CAMK1D: variants seen among roughly 807,000 people sequenced by gnomAD.
CAMK1D encodes the protein calcium/calmodulin-dependent protein kinase type 1D.
In CAMK1D, 9 loss-of-function variants were observed where a neutral mutation model predicts 47.7. That is an observed-to-expected ratio of 0.19 (90% confidence interval 0.11 to 0.33). The LOEUF (loss-of-function observed/expected upper bound fraction) is 0.33, where lower values mean the gene tolerates loss of function less well. CAMK1D is among the 10% of genes least tolerant of loss of function. The probability of loss-of-function intolerance (pLI) is 1.00; values close to 1 mark genes in which losing one functional copy is unlikely to be tolerated. For synonymous variants in CAMK1D, 184 were observed against 184.9 expected, an observed-to-expected ratio of 0.99 and a Z score of 0.04; for missense variants, 291 against 488.7, an observed-to-expected ratio of 0.60 and a Z score of 3.81.
chr10:12,704,740 G>A (rs866601243), intron 3 of CAMK1D, among the ~76,000 whole-genome samples: 1 of 152,048 alleles, frequency 6.6e-6, no homozygotes, highest in East Asian at 1.9e-4. Flanking sequence ...CAAACATTGT[G>A]GTTTCTGTCA....
chr10:12,774,931 A>G (rs527683327), intron 5 of CAMK1D, among the ~76,000 whole-genome samples: 1 of 152,404 alleles, frequency 6.6e-6, no homozygotes, highest in African/African-American at 2.4e-5. Context: ...CTTTGTGCCA[A>G]AATTGGGGAT....
intron 1 of CAMK1D, among the ~76,000 whole-genome samples, chr10:12,395,869 G>A (rs1329371880): frequency 1.3e-5 from 2 of 151,860 alleles, no homozygotes; most frequent in African/African-American, 4.8e-5. Flanking sequence ...GGAGGTTGCT[G>A]TGGGCCGTGA....
intron 5 of CAMK1D, among the ~76,000 whole-genome samples, chr10:12,779,361 C>A (rs181779978): frequency 1.3e-3 from 193 of 152,320 alleles, no homozygotes; most frequent in African/African-American, 4.3e-3. Context: ...CAGAAAACAT[C>A]CGTATCAATC....
intron 5 of CAMK1D, among the ~76,000 whole-genome samples, chr10:12,786,374 G>C (rs1164507866): frequency 6.6e-6 from 1 of 152,086 alleles, no homozygotes; most frequent in African/African-American, 2.4e-5. Flanking sequence ...ACACAGATAA[G>C]ACACAACACC....
intron 5 of CAMK1D, 101 bp from the exon 6 acceptor site, chr10:12,791,057 A>G: frequency 2.0e-6 from 2 of 977,446 alleles, no homozygotes; most frequent in South Asian, 2.8e-5. Context: ...CTCAGTTTTT[A>G]TACTCACTGA....
chr10:12,375,417 G>C (rs958805488), intron 1 of CAMK1D, among the ~76,000 whole-genome samples: 1 of 152,214 alleles, frequency 6.6e-6, no homozygotes, highest in Admixed American at 6.5e-5. Context: ...TCACTGCGTA[G>C]ATTAGCTGCA....
rs186717050 is a variant in CAMK1D, at chr10:12,692,605, T to C, written c.299+25795T>C. Reference sequence around the variant, plus strand: ...GTTGGTAACCTTGACTTCATACAAATAAAAGAAAAAACTTCTTCATAGCCA... The same window carrying C: ...GTTGGTAACCTTGACTTCATACAAACAAAAGAAAAAACTTCTTCATAGCCA... On this transcript the variant is annotated intron_variant, in intron 3 of 10. Coordinates refer to ENST00000619168, the MANE Select transcript of CAMK1D (RefSeq NM_153498.4). 1.2e-3 allele frequency among the ~76,000 whole-genome samples: 190 copies of C among 152,124 alleles called. 3 individuals are homozygous for C. The highest frequency in any genetic ancestry group is 3.4e-4 in the Non-Finnish European group (23 of 67,954).
chr10:12,698,754 C>T (rs1272929700), intron 3 of CAMK1D, among the ~76,000 whole-genome samples: 1 of 141,616 alleles, frequency 7.1e-6, no homozygotes, highest in African/African-American at 2.6e-5. Context: ...CTCACTGTAT[C>T]CTCCGCCTCC....
intron 1 of CAMK1D, among the ~76,000 whole-genome samples, chr10:12,500,404 C>T (rs1454503527): frequency 1.3e-5 from 2 of 152,152 alleles, no homozygotes; most frequent in Admixed American, 1.3e-4. Context: ...TCACTGAGCC[C>T]AGAGGTCAGT....
chr10:12,459,997 T>G (rs1447904159), intron 1 of CAMK1D, among the ~76,000 whole-genome samples: 7 of 152,198 alleles, frequency 4.6e-5, no homozygotes, highest in Admixed American at 4.6e-4. Context: ...CAGTGCAGAC[T>G]ATAGCTCCAT....
At chr10:12,436,931 C>T (rs189283786) in intron 1 of CAMK1D, among the ~76,000 whole-genome samples, 12 of 152,230 alleles carry the variant, frequency 7.9e-5, no homozygotes, top group Admixed American at 3.3e-4. Flanking sequence ...GAAAGGACTT[C>T]GAGCAAAATC....
intron 3 of CAMK1D, among the ~76,000 whole-genome samples, chr10:12,736,947 T>C (rs1835217060): frequency 6.6e-6 from 1 of 152,196 alleles, no homozygotes. Flanking sequence ...TTGGAGGAGC[T>C]GGACACAGCC....
intron 1 of CAMK1D, among the ~76,000 whole-genome samples, chr10:12,457,940 A>G (rs184732675): frequency 1.3e-5 from 2 of 152,286 alleles, no homozygotes; most frequent in Non-Finnish European, 2.9e-5. Flanking sequence ...AGGTGTCGGA[A>G]TGCCTCCTTT....
intron 2 of CAMK1D, among the ~76,000 whole-genome samples, chr10:12,635,062 A>G (rs969605137): frequency 2.1e-4 from 32 of 152,136 alleles, no homozygotes; most frequent in Non-Finnish European, 3.7e-4. Flanking sequence ...TGGAGAGTGG[A>G]GGGGCAGGGA....
At chr10:12,699,385 A>G (rs1833421722) in intron 3 of CAMK1D, among the ~76,000 whole-genome samples, 1 of 152,118 alleles carries the variant, frequency 6.6e-6, no homozygotes, top group Middle Eastern at 3.4e-3. Flanking sequence ...TTGTACTGGG[A>G]AAGCCGTGTT....
chr10:12,803,547 C>T (rs1022268221), intron 6 of CAMK1D, among the ~76,000 whole-genome samples: 12 of 151,972 alleles, frequency 7.9e-5, no homozygotes, highest in Non-Finnish European at 1.6e-4. Flanking sequence ...CCCAGCTACT[C>T]GGGAGGCTGA....
At chr10:12,468,553 G>A (rs1362185513) in intron 1 of CAMK1D, among the ~76,000 whole-genome samples, 1 of 152,186 alleles carries the variant, frequency 6.6e-6, no homozygotes, top group East Asian at 1.9e-4. Flanking sequence ...GGGGAGGAAA[G>A]GTTGTCCTGG....
chr10:12,770,406 C>T (rs1174382038), intron 5 of CAMK1D, among the ~76,000 whole-genome samples: 9 of 151,038 alleles, frequency 6.0e-5, no homozygotes, highest in Non-Finnish European at 5.9e-5. Flanking sequence ...TTTTGACTTC[C>T]GGGGTCCTGG....
intron 3 of CAMK1D, among the ~76,000 whole-genome samples, chr10:12,702,160 G>A (rs1833546175): frequency 1.3e-5 from 2 of 152,118 alleles, no homozygotes; most frequent in African/African-American, 2.4e-5. Flanking sequence ...TCCATCATAG[G>A]GGAGCAGGAA....
Sources: gnomAD v4.1 joint callset for allele counts (sites outside exome capture counted in the v4.1 genomes callset) on GRCh38, gnomAD v4.1.1 for gene constraint, MANE v1.5 for transcripts, NCBI Gene and HGNC (gene_info 2026-07-23, HGNC 2026-07-21) for gene names.